Variants in GALNT1 observed in about 807,000 individuals in gnomAD.
GALNT1 encodes the protein polypeptide N-acetylgalactosaminyltransferase 1.
A neutral mutation model predicts 65.7 loss-of-function variants in GALNT1; 17 were observed. The observed-to-expected ratio is 0.26, with a 90% CI of 0.18 to 0.39. The LOEUF is 0.39. Ranked by LOEUF, GALNT1 falls within the 10% of genes least tolerant of loss-of-function variation. The pLI, the probability that GALNT1 is intolerant of heterozygous loss-of-function variation, is 1.00. For synonymous variants in GALNT1, 210 were observed against 219.7 expected, an observed-to-expected ratio of 0.96 and a Z score of 0.39; for missense variants, 460 against 672.8, an observed-to-expected ratio of 0.68 and a Z score of 3.50.
intron 9 of GALNT1, among the ~76,000 whole-genome samples, chr18:35,692,645 T>C (rs72968404): frequency 0.095 from 14,454 of 151,860 alleles, 829 homozygotes; most frequent in African/African-American, 0.17. Flanking sequence ...CTGTAAAATC[T>C]GTATATATAT....
rs2046323765 is a variant in GALNT1 at position 35,581,852 on chromosome 18, C to CGT, written c.-113_-112insTG. On this transcript the variant is annotated 5_prime_UTR_variant, in exon 1 of 12. Coordinates refer to ENST00000269195, the MANE Select transcript of GALNT1 (RefSeq NM_020474.4). ...GACGCCTGCCGCCGCCGCCGCCGCG[C>CGT]GCCTAGCGAGGTGAGTGTATCGCCC... 1.4e-5 allele frequency: 1 copy of CGT among 72,320 alleles called. No individual in the cohort carries two copies. Among genetic ancestry groups the CGT allele is most frequent in the African/African-American group, 5.6e-5 (1 of 17,954 alleles). The allele number at this position is 72,320 out of a possible 1,614,324, so 4.5% of individuals were successfully genotyped here.
intron 9 of GALNT1, among the ~76,000 whole-genome samples, chr18:35,698,032 A>G (rs543307052): frequency 4.6e-5 from 7 of 152,332 alleles, no homozygotes; most frequent in African/African-American, 1.7e-4. Flanking sequence ...TAGGGTGGCC[A>G]ATGGTGTGAG....
rs181729383 is a variant in GALNT1 at position 35,595,756 on chromosome 18, G to A, written c.-104+13894G>A. The A allele has an allele frequency of 1.3e-4, 20 of 151,774 alleles. 2 individuals carry two copies. The highest frequency in any genetic ancestry group is 9.8e-4 in the Admixed American group (15 of 15,240). 9.4% of individuals were successfully genotyped at this position (151,774 alleles called of 1,614,324 possible). A position where few individuals can be genotyped will look rare whatever the true frequency, so the allele number is the denominator to read the frequency against. On this transcript the variant is annotated intron_variant, in intron 1 of 11. Transcript: ENST00000269195. ...TGTTTACATAGTAAAATATCCTGAC[G>A]GTATCAAAAAGTACACAGTGAAAAC...
chr18:35,582,079 G>T (rs2046329004), intron 1 of GALNT1, among the ~76,000 whole-genome samples: 1 of 152,104 alleles, frequency 6.6e-6, no homozygotes, highest in East Asian at 1.9e-4. Context: ...GGCGAGCAGC[G>T]AGTTTCCGTC....
In GALNT1 at chr18:35,654,601, T is replaced by A. The variant is rs1486475747; in HGVS notation, c.-62T>A. ...CTGATGAAACTGGATTGGAATAATT[T>A]TCATGATCTTTGTATATTTATATAT... On this transcript the variant is annotated 5_prime_UTR_variant, in exon 2 of 12. Coordinates refer to ENST00000269195, the MANE Select transcript of GALNT1 (RefSeq NM_020474.4). The A allele has an allele frequency of 9.4e-6, 9 of 953,292 alleles. No individual in the cohort carries two copies. The highest frequency in any genetic ancestry group is 1.7e-5 in the African/African-American group (1 of 58,100). 59.1% of individuals were successfully genotyped at this position (953,292 alleles called of 1,614,324 possible). A position where few individuals can be genotyped will look rare whatever the true frequency, so the allele number is the denominator to read the frequency against.
intron 9 of GALNT1, among the ~76,000 whole-genome samples, chr18:35,701,285 C>T (rs893388083): frequency 1.3e-5 from 2 of 152,070 alleles, no homozygotes; most frequent in African/African-American, 4.8e-5. Flanking sequence ...TGTTGCAAGT[C>T]TTGAACTCCT....
intron 1 of GALNT1, among the ~76,000 whole-genome samples, chr18:35,644,231 T>C (rs2144317588): frequency 6.6e-6 from 1 of 152,292 alleles, no homozygotes; most frequent in Non-Finnish European, 1.5e-5. Context: ...GAATTTTGGA[T>C]TGATTATTTG....
At chr18:35,601,737 A>G (rs1484841533) in intron 1 of GALNT1, among the ~76,000 whole-genome samples, 1 of 152,144 alleles carries the variant, frequency 6.6e-6, no homozygotes, top group Non-Finnish European at 1.5e-5. Context: ...AGAATGTTCC[A>G]TGTGCCGATG....
At chr18:35,608,376 T>C (rs536788919) in intron 1 of GALNT1, among the ~76,000 whole-genome samples, 1 of 152,332 alleles carries the variant, frequency 6.6e-6, no homozygotes, top group African/African-American at 2.4e-5. Flanking sequence ...ATGTAATTTA[T>C]AAATAGAGGT....
chr18:35,689,140 A>C (rs769611711), intron 6 of GALNT1, 33 bp from the exon 7 acceptor site: 35 of 1,343,058 alleles, frequency 2.6e-5, no homozygotes, highest in Non-Finnish European at 3.7e-5. Context: ...GTAAATTTTA[A>C]ATTGCTAATG....
intron 2 of GALNT1, among the ~76,000 whole-genome samples, chr18:35,659,321 C>G (rs1472346286): frequency 6.6e-6 from 1 of 152,098 alleles, no homozygotes; most frequent in East Asian, 1.9e-4. Context: ...TTCTAAGATT[C>G]TTCTATTTAC....
At chr18:35,649,601 G>A (rs55662507) in intron 1 of GALNT1, among the ~76,000 whole-genome samples, 15,460 of 152,068 alleles carry the variant, frequency 0.1, 1,005 homozygotes, top group African/African-American at 0.19. Flanking sequence ...TTGAAGATTA[G>A]TTAGGAAGTC....
chr18:35,585,176 A>G (rs1345477976), intron 1 of GALNT1, among the ~76,000 whole-genome samples: 1 of 152,118 alleles, frequency 6.6e-6, no homozygotes, highest in Admixed American at 6.5e-5. Context: ...GGGACCCTTC[A>G]GAGTTACCCT....
intron 1 of GALNT1, among the ~76,000 whole-genome samples, chr18:35,595,238 G>T (rs2046491028): frequency 6.6e-6 from 1 of 152,082 alleles, no homozygotes; most frequent in Non-Finnish European, 1.5e-5. Context: ...TTTACATAAT[G>T]AAATGATATA....
Position 35,691,092 on chromosome 18 carries a change from G to C in GALNT1, c.1059G>C (p.Thr353=), listed in dbSNP as rs1444044240. 1.9e-6 allele frequency: 3 copies of C among 1,613,202 alleles called. No individual in the cohort carries two copies. Among genetic ancestry groups the C allele is most frequent in the Middle Eastern group, 1.6e-4 (1 of 6,072 alleles). The change falls in exon 8 of 12, where the codon ACG becomes ACC. Residue 353 remains threonine, a synonymous_variant. Coordinates refer to ENST00000269195, the MANE Select transcript of GALNT1 (RefSeq NM_020474.4). ...GHVFRKATPY[T]FPGGTGQIIN... is the part of the protein sequence containing the mutation. The stretch of plus-strand genomic sequence containing the variant: ...TGTTTCGGAAAGCTACACCTTACAC[G>C]TTTCCAGGAGGCACAGGGCAGATTA...
chr18:35,626,151 C>T (rs902007946), intron 1 of GALNT1, among the ~76,000 whole-genome samples: 2 of 152,234 alleles, frequency 1.3e-5, no homozygotes, highest in East Asian at 1.9e-4. Flanking sequence ...CGCTATAGCC[C>T]GTCACAACTC....
Position 35,634,854 on chromosome 18 carries a change from A to G in GALNT1, c.-103-19706A>G, listed in dbSNP as rs111996803. ...GTTTCCACATGCCAGCCAAGGGCCA[A>G]TCTCGACAACCAAGTCCTTCTAAGG... On this transcript the variant is annotated intron_variant, in intron 1 of 11. Coordinates refer to ENST00000269195, the MANE Select transcript of GALNT1 (RefSeq NM_020474.4). Among the ~76,000 whole-genome samples the G allele has an allele frequency of 6.4e-3, 972 of 152,328 alleles. 19 individuals carry two copies. Among genetic ancestry groups the G allele is most frequent in the African/African-American group, 0.022 (922 of 41,574 alleles).
At chr18:35,632,094 G>A (rs2047021404) in intron 1 of GALNT1, among the ~76,000 whole-genome samples, 1 of 152,208 alleles carries the variant, frequency 6.6e-6, no homozygotes, top group Non-Finnish European at 1.5e-5. Flanking sequence ...TGGATAGGAA[G>A]AAGCAATATT....
intron 1 of GALNT1, among the ~76,000 whole-genome samples, chr18:35,613,445 A>G (rs1268616705): frequency 6.6e-6 from 1 of 152,190 alleles, no homozygotes; most frequent in Non-Finnish European, 1.5e-5. Context: ...TTGAGCTGAC[A>G]AGAGGTAAGG....
Sources: allele counts gnomAD v4.1 joint callset (sites outside exome capture counted in the v4.1 genomes callset), GRCh38; gene constraint gnomAD v4.1.1; transcripts MANE v1.5; gene names NCBI Gene and HGNC (gene_info 2026-07-23, HGNC 2026-07-21).